The following USP53 variants were observed in gnomAD, a reference collection of about 807,000 sequenced individuals.
USP53 encodes ubiquitin carboxyl-terminal hydrolase 53.
Under a neutral mutation model 94.9 loss-of-function variants are expected in USP53, and 71 were observed. The observed-to-expected ratio is 0.75, with a 90% CI of 0.62 to 0.91. The LOEUF (loss-of-function observed/expected upper bound fraction) is 0.91, where lower values mean the gene tolerates loss of function less well. USP53 is among the 40% of genes least tolerant of loss of function. The probability of loss-of-function intolerance (pLI) is 0.00; values close to 1 mark genes in which losing one functional copy is unlikely to be tolerated. For synonymous variants in USP53, 375 were observed against 422.7 expected (o/e 0.89, Z 1.39); for missense variants, 1,173 against 1,281.0 (o/e 0.92, Z 1.29).
At chr4:119,240,507 T>C (rs774083640) in intron 5 of USP53, among the ~76,000 whole-genome samples, 1 of 152,180 alleles carries the variant, frequency 6.6e-6, no homozygotes, top group Non-Finnish European at 1.5e-5. Context: ...TCAGCAGTTA[T>C]AGATTTTATA....
At chr4:119,215,071 A>T (rs774419582) in intron 2 of USP53, among the ~76,000 whole-genome samples, 120 of 152,286 alleles carry the variant, frequency 7.9e-4, no homozygotes, top group East Asian at 1.9e-4. Flanking sequence ...AAAGTTGGGT[A>T]GTTTATATAT....
intron 1 of USP53, 194 bp downstream of exon 1, chr4:119,213,067 C>T (rs2149240503): frequency 6.5e-6 from 1 of 153,232 alleles, no homozygotes; most frequent in Admixed American, 6.5e-5. Context: ...GGTCACGCAG[C>T]CCTTTCGCCC....
chr4:119,271,315 T>G lies in USP53; in HGVS notation c.1455T>G (p.Leu485=). 1 of 1,565,850 alleles carries G rather than the reference T, an allele frequency of 6.4e-7. No individual in the cohort carries two copies. Among genetic ancestry groups the G allele is most frequent in the Non-Finnish European group, 8.6e-7 (1 of 1,161,752 alleles). Residue 485 remains leucine, a synonymous_variant, in exon 16 of 19, where the codon CTT becomes CTG. Transcript: ENST00000692078. ...GRHRDLVDED[L]SHFQSGSPPA... ...TTTAAGATTTGGTTGATGAAGACCT[T>G]TCACATTTCCAATCTGGATCACCTC...
Position 119,293,298 on chromosome 4 carries a change from A to G in USP53, c.*87A>G. ...AAGATATAAACCTAGCATACATTGT[A>G]ATAGATAACTGGTAAAACTGACCAA... On this transcript the variant is annotated 3_prime_UTR_variant, in exon 19 of 19. Coordinates refer to ENST00000692078, the MANE Select transcript of USP53 (RefSeq NM_001371395.1). 2 of 1,435,812 alleles carry G rather than the reference A, an allele frequency of 1.4e-6. No homozygotes were observed. Among genetic ancestry groups the G allele is most frequent in the East Asian group, 2.3e-5 (1 of 43,200 alleles). The allele number at this position is 1,435,812 out of a possible 1,614,324, so 88.9% of individuals were successfully genotyped here. A position where few individuals can be genotyped will look rare whatever the true frequency, so the allele number is the denominator to read the frequency against.
chr4:119,261,724 A>G lies in USP53; in HGVS notation c.832A>G (p.Arg278Gly), dbSNP rs747146943. ...CAATTTTTTTAAACAGCTTTTTTAT[A>G]GAGTTACTGATGAAAATGCCAAAAA... is the stretch of plus-strand genomic sequence containing the variant. ...THLYLPGLFYRVTDENAKNSE... is the reference protein window; with the variant it reads ...THLYLPGLFYGVTDENAKNSE... Residue 278 changes from arginine to glycine, a missense_variant, in exon 12 of 19, where the codon AGA becomes GGA. Physicochemically the swap from Arg to Gly is moderately radical, Grantham distance 125. Coordinates refer to ENST00000692078, the MANE Select transcript of USP53 (RefSeq NM_001371395.1). 1 of 1,570,238 alleles carries G rather than the reference A, an allele frequency of 6.4e-7. No homozygotes were observed. The highest frequency in any genetic ancestry group is 1.2e-5 in the South Asian group (1 of 85,496).
chr4:119,252,215 G>C (rs1044720720), intron 7 of USP53, among the ~76,000 whole-genome samples: 4 of 152,060 alleles, frequency 2.6e-5, no homozygotes, highest in African/African-American at 7.2e-5. Flanking sequence ...GTGTCTCTGC[G>C]AGGCTTTGGT....
chr4:119,254,411 G>A (rs1749474557), intron 7 of USP53, among the ~76,000 whole-genome samples: 2 of 152,130 alleles, frequency 1.3e-5, no homozygotes, highest in Non-Finnish European at 1.5e-5. Context: ...TGGAGGCTTC[G>A]TTAGTTTCTT....
At chr4:119,287,090 A>G (rs544066649) in intron 17 of USP53, among the ~76,000 whole-genome samples, 1 of 152,170 alleles carries the variant, frequency 6.6e-6, no homozygotes, top group South Asian at 2.1e-4. Flanking sequence ...CATGATGGGC[A>G]GGGTGGAGGT....
At chr4:119,287,051 T>G (rs938576535) in intron 17 of USP53, among the ~76,000 whole-genome samples, 2 of 151,984 alleles carry the variant, frequency 1.3e-5, no homozygotes, top group Admixed American at 1.3e-4. Context: ...AATTCATACT[T>G]AACTTGTCTT....
At chr4:119,215,423 A>T (rs1205608634) in intron 2 of USP53, among the ~76,000 whole-genome samples, 6 of 152,120 alleles carry the variant, frequency 3.9e-5, no homozygotes, top group Non-Finnish European at 8.8e-5. Context: ...TACATTTTTT[A>T]AAATTAATAA....
chr4:119,245,915 G>GT (rs1748167627), intron 6 of USP53, among the ~76,000 whole-genome samples: 1 of 152,190 alleles, frequency 6.6e-6, no homozygotes, highest in Non-Finnish European at 1.5e-5. Context: ...AGGGAGTGTT[G>GT]TATAGGCAGG....
chr4:119,213,647 T>TTAGATAG (rs201030853), intron 1 of USP53, among the ~76,000 whole-genome samples: 22 of 123,070 alleles, frequency 1.8e-4, no homozygotes, highest in African/African-American at 6.4e-4. Context: ...AATAGATATA[T>TTAGATAG]ATATATATAT....
intron 3 of USP53, among the ~76,000 whole-genome samples, chr4:119,233,503 T>A (rs1338245274): frequency 1.3e-5 from 2 of 152,146 alleles, no homozygotes; most frequent in African/African-American, 2.4e-5. Context: ...TAACCATGTC[T>A]CATAGCTTTT....
intron 17 of USP53, among the ~76,000 whole-genome samples, chr4:119,285,404 G>A (rs908069621): frequency 6.6e-6 from 1 of 151,802 alleles, no homozygotes; most frequent in African/African-American, 2.4e-5. Context: ...AAGAACTTTT[G>A]CCATTTGCTT....
chr4:119,273,782 T>C (rs1333411073), intron 17 of USP53, 74 bp downstream of exon 17: 2 of 1,255,686 alleles, frequency 1.6e-6, no homozygotes, highest in Non-Finnish European at 2.2e-6. Context: ...CTATTATGTA[T>C]CTGAGAGAAA....
At chr4:119,283,605 C>T (rs941244364) in intron 17 of USP53, among the ~76,000 whole-genome samples, 6 of 151,512 alleles carry the variant, frequency 4.0e-5, no homozygotes, top group Non-Finnish European at 8.9e-5. Flanking sequence ...AGATGATAAG[C>T]GTATGTGGGC....
intron 3 of USP53, among the ~76,000 whole-genome samples, chr4:119,224,227 T>C (rs1168132197): frequency 1.3e-5 from 2 of 152,058 alleles, no homozygotes; most frequent in Non-Finnish European, 2.9e-5. Context: ...CTTGAACTCC[T>C]GACCTCGTGA....
Position 119,292,783 on chromosome 4 carries a change from A to C in USP53, c.2794A>C (p.Thr932Pro). Residue 932 changes from threonine (T) to proline (P), a missense_variant, in exon 19 of 19, where the codon ACC becomes CCC. Transcript: ENST00000692078. ...TTTGCCACCAAAGAAATATGCTATA[A>C]CCAGTGTGCCACAGTCAGAGAAAAG... ...PPLPPKKYAI[T>P]SVPQSEKSES... 4 of 1,614,050 alleles carry C rather than the reference A, an allele frequency of 2.5e-6. No homozygotes were observed. The highest frequency in any genetic ancestry group is 3.4e-6 in the Non-Finnish European group (4 of 1,179,964).
At chr4:119,257,562 G>T (rs1749945802) in intron 9 of USP53, among the ~76,000 whole-genome samples, 1 of 152,174 alleles carries the variant, frequency 6.6e-6, no homozygotes, top group Non-Finnish European at 1.5e-5. Flanking sequence ...GAATATGTTA[G>T]TGCAACAGTT....
Sources: gnomAD v4.1 joint callset for allele counts (sites outside exome capture counted in the v4.1 genomes callset) on GRCh38, gnomAD v4.1.1 for gene constraint, MANE v1.5 for transcripts, NCBI Gene and HGNC (gene_info 2026-07-23, HGNC 2026-07-21) for gene names.